Variants in MATN3 observed in about 807,000 individuals in gnomAD.
MATN3 encodes matrilin-3.
MATN3 carries 48 observed loss-of-function variants against 45.3 expected under a neutral mutation model. That is an observed-to-expected ratio of 1.06 (90% CI 0.84 to 1.35). The LOEUF (loss-of-function observed/expected upper bound fraction) is 1.35, where lower values mean the gene tolerates loss of function less well. Ranked by LOEUF, MATN3 falls within the 40% of genes most tolerant of loss-of-function variation. The pLI is 0.00. For missense variants in MATN3, 599 were observed against 628.0 expected, an observed-to-expected ratio of 0.95 and a Z score of 0.49; for synonymous variants, 217 against 245.9, an observed-to-expected ratio of 0.88 and a Z score of 1.10.
chr2:20,002,504 G>A (rs560643444), intron 3 of MATN3, among the ~76,000 whole-genome samples: 28 of 152,282 alleles, frequency 1.8e-4, no homozygotes, highest in Admixed American at 3.9e-4. Context: ...TATGACTAGA[G>A]AGGAAGAGGG....
chr2:20,007,864 T>C (rs1236013968), intron 1 of MATN3, among the ~76,000 whole-genome samples: 3 of 152,206 alleles, frequency 2.0e-5, no homozygotes, highest in South Asian at 2.1e-4. Flanking sequence ...TCCTGTTCTT[T>C]CCTGTTTCCC....
chr2:20,003,363 A>G (rs959191114), intron 2 of MATN3, 77 bp from the exon 3 acceptor site: 4 of 1,419,066 alleles, frequency 2.8e-6, no homozygotes, highest in Non-Finnish European at 3.8e-6. Context: ...GTCAATAGAC[A>G]TTGCTCTCTG....
At chr2:19,997,075 A>G in intron 6 of MATN3, 59 bp downstream of exon 6, 1 of 1,579,924 alleles carries the variant, frequency 6.3e-7, no homozygotes, top group East Asian at 2.2e-5. Flanking sequence ...GAAAGAAAAA[A>G]GCTTGCTCCT....
chr2:20,002,824 C>T (rs547643943), intron 3 of MATN3, among the ~76,000 whole-genome samples: 15 of 151,958 alleles, frequency 9.9e-5, no homozygotes, highest in African/African-American at 3.1e-4. Flanking sequence ...AGGCTAATCT[C>T]GAATTAGCCT....
In MATN3 at chr2:19,995,900, A is replaced by G. The variant is rs558276880; in HGVS notation, c.1294+1234T>C. Among the ~76,000 whole-genome samples, 1 of 152,242 alleles carries G rather than the reference A, an allele frequency of 6.6e-6. No homozygotes were observed. The highest frequency in any genetic ancestry group is 2.4e-5 in the African/African-American group (1 of 41,460). ...TCATCTATCCACCTGTCTGAATCCT[A>G]TTGAACCTTTTAGGGACAGCCAGTC... On this transcript the variant is annotated intron_variant, in intron 6 of 7. Transcript: ENST00000407540. The surrounding 1 kb of genome is among the most constrained non-coding windows in gnomAD (Gnocchi z 4.2).
At chr2:20,002,161 T>TACACCCAC in intron 3 of MATN3, 81 bp from the exon 4 acceptor site, 1 of 646,958 alleles carries the variant, frequency 1.5e-6, no homozygotes, top group African/African-American at 2.1e-5. Flanking sequence ...CTTACAGTTA[T>TACACCCAC]ACACACACAC....
Position 19,995,345 on chromosome 2 carries a change from C to G in MATN3, c.1295-936G>C, listed in dbSNP as rs1203849103. 6.6e-6 allele frequency among the ~76,000 whole-genome samples: 1 copy of G among 151,834 alleles called. No homozygotes were observed. The highest frequency in any genetic ancestry group is 2.1e-4 in the South Asian group (1 of 4,822). ...GCCCATGCCTGTAATCCCAGCTACT[C>G]GGGAGACTGAGGCAGGAGGATTGCT... On this transcript the variant is annotated intron_variant, in intron 6 of 7. Coordinates refer to ENST00000407540, the MANE Select transcript of MATN3 (RefSeq NM_002381.5). The surrounding 1 kb of genome is among the most constrained non-coding windows in gnomAD (Gnocchi z 4.2).
chr2:19,996,483 A>G (rs1672870768), intron 6 of MATN3, among the ~76,000 whole-genome samples: 1 of 152,130 alleles, frequency 6.6e-6, no homozygotes, highest in Non-Finnish European at 1.5e-5. Flanking sequence ...GATTGGCAAA[A>G]ATTTAATTCA....
At chr2:20,003,114 G>A (rs759835078) in intron 3 of MATN3, 47 bp downstream of exon 3, 1 of 1,605,800 alleles carries the variant, frequency 6.2e-7, no homozygotes, top group Non-Finnish European at 8.5e-7. Context: ...CTGGAGCATA[G>A]GTTCCCAAGT....
Position 20,000,457 on chromosome 2 carries a change from A to G in MATN3, c.1152T>C (p.Asp384=), listed in dbSNP as rs1167941143. 1.2e-6 allele frequency: 2 copies of G among 1,606,296 alleles called. No homozygotes were observed. Among genetic ancestry groups the G allele is most frequent in the Non-Finnish European group, 1.7e-6 (2 of 1,177,378 alleles). The part of the protein sequence containing the change: ...ECYEGYTLNA[D]KKTCSVRDKC... ...GGATCTTACCTGAACATGTTTTTTTATCTGCATTCAGAGTGTAGCCCTCAT... is the reference window on the plus strand; with the variant it reads ...GGATCTTACCTGAACATGTTTTTTTGTCTGCATTCAGAGTGTAGCCCTCAT... Residue 384 remains aspartate (D), a synonymous_variant, in exon 5 of 8, where the codon GAT becomes GAC. Coordinates refer to ENST00000407540, the MANE Select transcript of MATN3 (RefSeq NM_002381.5).
Position 20,005,992 on chromosome 2 carries a change from C to T in MATN3, c.542G>A (p.Arg181Gln), listed in dbSNP as rs778152107. 4.3e-6 allele frequency: 7 copies of T among 1,613,846 alleles called. No homozygotes were observed. The highest frequency in any genetic ancestry group is 3.3e-5 in the Admixed American group (2 of 60,008). ...DEAFTVEAGA[R>Q]EPSSNIPKVA... ...CTTAGGGATGTTAGAAGAGGGCTCT[C>T]GAGCCCCTGCCTCCACTGTGAAGGC... The change falls in exon 2 of 8, where the codon CGA (arginine) becomes CAA (glutamine). Residue 181 changes from arginine (R) to glutamine (Q), a missense_variant. Physicochemically the swap from Arg to Gln is conservative, Grantham distance 43 (BLOSUM62 1). Transcript: ENST00000407540.
At position 20,000,511 on chromosome 2, in the gene MATN3, GTCAT is replaced by G. The variant is rs760618802; in HGVS notation, c.1094_1097del (p.Asn365ThrfsTer16). 7 of 1,612,292 alleles carry G rather than the reference GTCAT, an allele frequency of 4.3e-6. No homozygotes were observed. Among genetic ancestry groups the G allele is most frequent in the Non-Finnish European group, 5.9e-6 (7 of 1,179,022 alleles). The stretch of plus-strand genomic sequence containing the variant: ...ATTCACAATGATGGGACCCTGTTCT[GTCAT>G]TCACACAAATGTGCTGACACCCATG... On this transcript the variant is annotated frameshift_variant, in exon 5 of 8. Transcript: ENST00000407540. LOFTEE classifies it high-confidence loss of function.
chr2:20,010,587 G>A (rs1673203291), intron 1 of MATN3, among the ~76,000 whole-genome samples: 1 of 152,158 alleles, frequency 6.6e-6, no homozygotes, highest in Admixed American at 6.6e-5. Context: ...ATGGGAGAAG[G>A]CCTCAACCTG....
Position 19,993,030 on chromosome 2 carries a change from G to T in MATN3, c.*81C>A. 1.9e-6 allele frequency: 2 copies of T among 1,056,336 alleles called. No individual in the cohort carries two copies. The highest frequency in any genetic ancestry group is 2.4e-5 in the East Asian group (1 of 41,948). The allele number at this position is 1,056,336 out of a possible 1,614,324, so 65.4% of individuals were successfully genotyped here. A position where few individuals can be genotyped will look rare whatever the true frequency, so the allele number is the denominator to read the frequency against. ...TGGCAAATTATTAGCAGGAACATTG[G>T]CAATAACAGGTGTGCAAAAGAATGC... On this transcript the variant is annotated 3_prime_UTR_variant, in exon 8 of 8. Transcript: ENST00000407540.
chr2:20,005,683 G>T, intron 2 of MATN3, 61 bp downstream of exon 2: 1 of 1,290,540 alleles, frequency 7.7e-7, no homozygotes, highest in Non-Finnish European at 1.1e-6. Flanking sequence ...TCTTTTCTCT[G>T]GGTACACAAT....
intron 5 of MATN3, among the ~76,000 whole-genome samples, chr2:19,999,929 T>C (rs1672953394): frequency 6.6e-6 from 1 of 152,196 alleles, no homozygotes; most frequent in Admixed American, 6.5e-5. Context: ...ATTGATCGTC[T>C]AGAAACTGCC....
rs1400055029 is a variant in MATN3, at chr2:19,992,133, T to C, written c.*978A>G. ...GATAATATGTAAAGGTAATAACTTT[T>C]ATTATATTAAAGACAATGCAAACGA... On this transcript the variant is annotated 3_prime_UTR_variant, in exon 8 of 8. Transcript: ENST00000407540. 2.0e-5 allele frequency: 3 copies of C among 152,188 alleles called. No individual in the cohort carries two copies. The highest frequency in any genetic ancestry group is 7.2e-5 in the African/African-American group (3 of 41,456). The allele number at this position is 152,188 out of a possible 1,614,324, so 9.4% of individuals were successfully genotyped here.
chr2:20,002,158 T>TTA, intron 3 of MATN3, 78 bp from the exon 4 acceptor site: 6 of 675,442 alleles, frequency 8.9e-6, no homozygotes, highest in Admixed American at 3.2e-5. Context: ...CCACTTACAG[T>TTA]TATACACACA....
Position 20,012,477 on chromosome 2 carries a change from G to T in MATN3, c.155C>A (p.Pro52His), listed in dbSNP as rs1673237475. The change falls in exon 1 of 8, where the codon CCC (proline) becomes CAC (histidine). Residue 52 changes from proline (P) to histidine (H), a missense_variant. Pro to His is a moderately conservative substitution (Grantham distance 77). Coordinates refer to ENST00000407540, the MANE Select transcript of MATN3 (RefSeq NM_002381.5). The surrounding 1 kb of genome is among the most constrained non-coding windows in gnomAD (Gnocchi z 4.3). ...RGPGGSPGRR[P>H]SPAAPDGAPA... ...CGCGCCGTCGGGAGCCGCAGGAGAG[G>T]GGCGGCGTCCAGGGCTGCCCCCGGG... The T allele has an allele frequency of 8.1e-7, 1 of 1,229,068 alleles. No homozygotes were observed. The highest frequency in any genetic ancestry group is 1.0e-6 in the Non-Finnish European group (1 of 986,252). 76.1% of individuals were successfully genotyped at this position (1,229,068 alleles called of 1,614,324 possible).
Sources: gnomAD v4.1 joint callset for allele counts (sites outside exome capture counted in the v4.1 genomes callset) on GRCh38, gnomAD v4.1.1 for gene constraint, Gnocchi (gnomAD v3.1) non-coding constraint, MANE v1.5 for transcripts, NCBI Gene and HGNC (gene_info 2026-07-23, HGNC 2026-07-21) for gene names.